PRKCB: variants seen among roughly 807,000 people sequenced by gnomAD.
PRKCB encodes the protein protein kinase C beta.
In PRKCB, 13 loss-of-function variants were observed where a neutral mutation model predicts 81.5. That is an observed-to-expected ratio of 0.16 (90% confidence interval 0.10 to 0.25). The LOEUF is 0.25. Ranked by LOEUF, PRKCB falls within the 10% of genes least tolerant of loss-of-function variation. PRKCB has a pLI of 1.00. For synonymous variants in PRKCB, 335 were observed against 321.4 expected, an observed-to-expected ratio of 1.04 and a Z score of -0.45; for missense variants, 509 against 875.7, an observed-to-expected ratio of 0.58 and a Z score of 5.29.
At chr16:24,079,208 T>A (rs766676612) in intron 5 of PRKCB, among the ~76,000 whole-genome samples, 9 of 152,196 alleles carry the variant, frequency 5.9e-5, no homozygotes, top group Non-Finnish European at 1.2e-4. Context: ...AATCCCATCA[T>A]CCTTTGCTGA....
intron 2 of PRKCB, among the ~76,000 whole-genome samples, chr16:23,976,460 C>T (rs1203239874): frequency 1.3e-5 from 2 of 152,186 alleles, no homozygotes; most frequent in Admixed American, 1.3e-4. Flanking sequence ...CACGCCCATG[C>T]CTGAATCCCC....
intron 2 of PRKCB, among the ~76,000 whole-genome samples, chr16:23,846,798 T>C (rs1962377129): frequency 6.6e-6 from 1 of 152,020 alleles, no homozygotes; most frequent in Admixed American, 6.6e-5. Context: ...TTTTTGGTGT[T>C]GTAAGGATGC....
At position 23,842,564 on chromosome 16, in the gene PRKCB, G is replaced by A. The variant is rs193113696; in HGVS notation, c.205+5158G>A. 3.7e-3 allele frequency among the ~76,000 whole-genome samples: 569 copies of A among 152,282 alleles called. 3 individuals carry two copies. The highest frequency in any genetic ancestry group is 7.2e-3 in the Non-Finnish European group (488 of 68,010). Reference sequence around the variant, plus strand: ...GGGCCCAGAAACCCATGCCTGGTTAGCATTGTCTTTTCTTCTGAGAAAGAT... The same window carrying A: ...GGGCCCAGAAACCCATGCCTGGTTAACATTGTCTTTTCTTCTGAGAAAGAT... On this transcript the variant is annotated intron_variant, in intron 2 of 16. Coordinates refer to ENST00000643927, the MANE Select transcript of PRKCB (RefSeq NM_002738.7).
chr16:23,953,176 G>A (rs2141780988), intron 2 of PRKCB, among the ~76,000 whole-genome samples: 1 of 152,242 alleles, frequency 6.6e-6, no homozygotes, highest in East Asian at 1.9e-4. Context: ...AGAGCCCCCT[G>A]ACTCTGTTCT....
chr16:24,194,254 A>G (rs1967844849), intron 16 of PRKCB, among the ~76,000 whole-genome samples: 1 of 152,158 alleles, frequency 6.6e-6, no homozygotes, highest in Non-Finnish European at 1.5e-5. Flanking sequence ...TTGAACCTGG[A>G]GGCAGAGGTT....
At chr16:24,077,993 C>G (rs1966202427) in intron 5 of PRKCB, among the ~76,000 whole-genome samples, 1 of 152,190 alleles carries the variant, frequency 6.6e-6, no homozygotes, top group Admixed American at 6.5e-5. Context: ...AGGCTTTTGT[C>G]CCAAGCTTCT....
At chr16:23,979,235 A>G (rs1964663205) in intron 2 of PRKCB, among the ~76,000 whole-genome samples, 1 of 152,228 alleles carries the variant, frequency 6.6e-6, no homozygotes, top group African/African-American at 2.4e-5. Context: ...TCACACAGCT[A>G]ATCAACAGTG....
At chr16:23,993,192 A>G (rs551707544) in intron 3 of PRKCB, among the ~76,000 whole-genome samples, 5 of 152,232 alleles carry the variant, frequency 3.3e-5, no homozygotes, top group African/African-American at 1.2e-4. Context: ...AATTTATACA[A>G]GCAGAACCAT....
chr16:24,087,108 C>A (rs78550179), intron 5 of PRKCB, among the ~76,000 whole-genome samples: 1 of 152,032 alleles, frequency 6.6e-6, no homozygotes, highest in African/African-American at 2.4e-5. Context: ...TTCCACTTAT[C>A]CTGAAATACT....
At chr16:24,061,930 A>AAAAAAAC (rs1567361049) in intron 5 of PRKCB, among the ~76,000 whole-genome samples, 1 of 146,598 alleles carries the variant, frequency 6.8e-6, no homozygotes, top group Non-Finnish European at 1.5e-5. Context: ...AAAAAAAAAA[A>AAAAAAAC]AAACTTGAGG....
chr16:24,146,532 AG>A (rs1291002965), intron 9 of PRKCB, among the ~76,000 whole-genome samples: 2 of 152,200 alleles, frequency 1.3e-5, no homozygotes, highest in Non-Finnish European at 2.9e-5. Context: ...GACACGTACC[AG>A]GTTTTCTAAC....
chr16:23,855,898 G>A (rs548627915), intron 2 of PRKCB, among the ~76,000 whole-genome samples: 39 of 152,356 alleles, frequency 2.6e-4, no homozygotes, highest in African/African-American at 8.7e-4. Context: ...GGACACAGCT[G>A]TGAGCAATTG....
chr16:24,066,844 C>G (rs1966041349), intron 5 of PRKCB, among the ~76,000 whole-genome samples: 1 of 152,120 alleles, frequency 6.6e-6, no homozygotes, highest in Admixed American at 6.6e-5. Context: ...CTAAAGCTTT[C>G]ATTTGCTTTA....
chr16:24,211,852 G>A (rs1234967082), intron 16 of PRKCB, among the ~76,000 whole-genome samples: 2 of 152,078 alleles, frequency 1.3e-5, no homozygotes, highest in African/African-American at 2.4e-5. Flanking sequence ...GAGCCACCGC[G>A]CCCGGCCCCA....
intron 2 of PRKCB, among the ~76,000 whole-genome samples, chr16:23,972,535 G>A (rs1964571557): frequency 6.6e-6 from 1 of 152,032 alleles, no homozygotes; most frequent in African/African-American, 2.4e-5. Flanking sequence ...CCTGTACTTA[G>A]GTTTTCCCCT....
chr16:24,186,007 G>T (rs1349860317), intron 15 of PRKCB, among the ~76,000 whole-genome samples: 1 of 152,184 alleles, frequency 6.6e-6, no homozygotes, highest in Non-Finnish European at 1.5e-5. Flanking sequence ...ATACCACGCC[G>T]TGTTGAGGTT....
chr16:24,071,288 A>G (rs1596536380), intron 5 of PRKCB, among the ~76,000 whole-genome samples: 1 of 151,808 alleles, frequency 6.6e-6, no homozygotes, highest in Admixed American at 6.6e-5. Flanking sequence ...AGCCTGAGCT[A>G]CCTCTTCTCT....
intron 16 of PRKCB, among the ~76,000 whole-genome samples, chr16:24,207,370 A>T (rs1049580039): frequency 6.6e-6 from 1 of 152,172 alleles, no homozygotes; most frequent in African/African-American, 2.4e-5. Context: ...CCTGATTGTT[A>T]TGTAAATTTT....
intron 3 of PRKCB, among the ~76,000 whole-genome samples, chr16:24,014,870 T>G (rs1236390604): frequency 6.6e-6 from 1 of 152,184 alleles, no homozygotes; most frequent in Non-Finnish European, 1.5e-5. Context: ...CTCGGCTCAC[T>G]GCAACCTCCA....
Sources: allele counts gnomAD v4.1 joint callset (sites outside exome capture counted in the v4.1 genomes callset), GRCh38; gene constraint gnomAD v4.1.1; transcripts MANE v1.5; gene names NCBI Gene and HGNC (gene_info 2026-07-23, HGNC 2026-07-21).